CD8B2: variants seen among roughly 807,000 people sequenced by gnomAD.
CD8B2 encodes the protein T-cell surface glycoprotein CD8 beta-2 chain.
Under a neutral mutation model 23.7 loss-of-function variants are expected in CD8B2, and 11 were observed. The ratio of observed to expected loss-of-function variants is 0.46; its 90% CI spans 0.29 to 0.77. The LOEUF (loss-of-function observed/expected upper bound fraction) is 0.77. Among genes scored for constraint, CD8B2 ranks in the 30% least tolerant of loss-of-function variants. CD8B2 has a pLI of 0.09. For missense variants in CD8B2, 197 were observed against 270.5 expected (o/e 0.73, Z 1.91); for synonymous variants, 90 against 109.3 (o/e 0.82, Z 1.10).
At chr2:106,495,917 G>A (rs1473682340) in intron 2 of CD8B2, among the ~76,000 whole-genome samples, 5 of 152,094 alleles carry the variant, frequency 3.3e-5, no homozygotes, top group Admixed American at 2.0e-4. Context: ...TCTCACCTCA[G>A]CCTCCTGGGT....
At chr2:106,539,157 A>G (rs1280372382) in intron 5 of CD8B2, among the ~76,000 whole-genome samples, 3 of 152,228 alleles carry the variant, frequency 2.0e-5, no homozygotes, top group African/African-American at 7.2e-5. Context: ...AGTGAGGCAC[A>G]TGAAGCACTT....
chr2:106,488,275 T>C lies in CD8B2; in HGVS notation c.43+806T>C, dbSNP rs1287041387. On this transcript the variant is annotated intron_variant, in intron 1 of 5. Coordinates refer to ENST00000643224, the MANE Select transcript of CD8B2 (RefSeq NM_001349727.2). The stretch of plus-strand genomic sequence containing the variant: ...AAAGAGCCCAGGCCGTTCAGAGCAC[T>C]AAAGTCATTACTGATGAATCTAGAA... Among the ~76,000 whole-genome samples, 3 of 150,548 alleles carry C rather than the reference T, an allele frequency of 2.0e-5. No homozygotes were observed. The East Asian group carries it at 5.8e-4, about 29-fold the overall frequency.
chr2:106,526,612 G>A (rs1225773417), intron 5 of CD8B2, among the ~76,000 whole-genome samples: 1 of 152,068 alleles, frequency 6.6e-6, no homozygotes, highest in Non-Finnish European at 1.5e-5. Context: ...CTTTTTTATT[G>A]TCAACTAGTA....
chr2:106,526,306 A>T (rs1679906315), intron 5 of CD8B2, among the ~76,000 whole-genome samples: 1 of 152,194 alleles, frequency 6.6e-6, no homozygotes, highest in South Asian at 2.1e-4. Flanking sequence ...ACAATTCAAT[A>T]GTTTAAAGTA....
chr2:106,528,786 G>A (rs554077224), intron 5 of CD8B2, among the ~76,000 whole-genome samples: 19 of 152,304 alleles, frequency 1.2e-4, no homozygotes, highest in African/African-American at 4.6e-4. Context: ...CATCTTGGAA[G>A]GCATTGGAAA....
At chr2:106,516,673 CG>C (rs1415829863) in intron 5 of CD8B2, among the ~76,000 whole-genome samples, 2 of 152,112 alleles carry the variant, frequency 1.3e-5, no homozygotes, top group African/African-American at 4.8e-5. Context: ...AGAGCTCTTT[CG>C]TAAGCCTTTG....
In CD8B2 at chr2:106,501,716, A is replaced by G. The variant is rs550540831; in HGVS notation, c.494-758A>G. ...AAACAAACAAACGAACAAACCCTAT[A>G]TGTATCTATAAAAATTACATAGGCA... On this transcript the variant is annotated intron_variant, in intron 3 of 5. Coordinates refer to ENST00000643224, the MANE Select transcript of CD8B2 (RefSeq NM_001349727.2). 6.6e-5 allele frequency among the ~76,000 whole-genome samples: 10 copies of G among 152,210 alleles called. No homozygotes were observed. In the South Asian group the frequency reaches 2.1e-3, roughly 32 times the overall value.
chr2:106,498,680 G>A (rs1426396584), intron 3 of CD8B2, among the ~76,000 whole-genome samples: 1 of 152,114 alleles, frequency 6.6e-6, no homozygotes, highest in Non-Finnish European at 1.5e-5. Flanking sequence ...GTCTACCACT[G>A]CCTGTACTAT....
chr2:106,532,364 T>C (rs777226439), intron 5 of CD8B2, among the ~76,000 whole-genome samples: 4 of 152,096 alleles, frequency 2.6e-5, no homozygotes, highest in Non-Finnish European at 4.4e-5. Context: ...CGAGCTAGAA[T>C]CCTAGCAAAT....
Position 106,508,364 on chromosome 2 carries a change from C to T in CD8B2, c.*1424C>T, listed in dbSNP as rs1573338426. ...AAAAAAAACAGGAAAGGAAAGACGA[C>T]TCTGGGGAAGGGGCAGTGGGACCTT... On this transcript the variant is annotated 3_prime_UTR_variant, in exon 6 of 6. Transcript: ENST00000643224. 1 of 152,102 alleles carries T rather than the reference C, an allele frequency of 6.6e-6. No homozygotes were observed. The highest frequency in any genetic ancestry group is 1.9e-4 in the East Asian group (1 of 5,168). 9.4% of individuals were successfully genotyped at this position (152,102 alleles called of 1,614,324 possible). A position where few individuals can be genotyped will look rare whatever the true frequency, so the allele number is the denominator to read the frequency against.
At position 106,510,208 on chromosome 2, in the gene CD8B2, G is replaced by T. The variant is rs1679596850; in HGVS notation, c.*3268G>T. 1 of 152,208 alleles carries T rather than the reference G, an allele frequency of 6.6e-6. No individual in the cohort carries two copies. Among genetic ancestry groups the T allele is most frequent in the South Asian group, 2.1e-4 (1 of 4,828 alleles). 9.4% of individuals were successfully genotyped at this position (152,208 alleles called of 1,614,324 possible). On this transcript the variant is annotated 3_prime_UTR_variant, in exon 6 of 6. Coordinates refer to ENST00000643224, the MANE Select transcript of CD8B2 (RefSeq NM_001349727.2). ...AGGATACAGTTACCCTTGGTCCAGT[G>T]ATGGTCATTAGGAGGGAGCATGAGG...
At chr2:106,534,678 G>A (rs4281904) in intron 5 of CD8B2, among the ~76,000 whole-genome samples, 75,881 of 152,010 alleles carry the variant, frequency 0.5, 19,348 homozygotes, top group Non-Finnish European at 0.55. Flanking sequence ...AAGGCTGCTC[G>A]GAGGTGCTGC....
At chr2:106,533,140 C>T (rs1282062465) in intron 5 of CD8B2, among the ~76,000 whole-genome samples, 2 of 152,164 alleles carry the variant, frequency 1.3e-5, no homozygotes, top group East Asian at 1.9e-4. Context: ...CGAGGCAACA[C>T]AGCTAGTTAA....
chr2:106,512,380 T>C (rs140269946), downstream of CD8B2, among the ~76,000 whole-genome samples: 2,527 of 152,142 alleles, frequency 0.017, 63 homozygotes, highest in African/African-American at 0.057. Context: ...CATGGCCTTT[T>C]CATGCATTTT....
intron 2 of CD8B2, among the ~76,000 whole-genome samples, chr2:106,493,352 G>T (rs975599262): frequency 2.0e-5 from 3 of 152,162 alleles, no homozygotes; most frequent in African/African-American, 7.2e-5. Flanking sequence ...GGGCTCAGGA[G>T]GAATCCAGGG....
At chr2:106,521,415 T>C (rs1011310207) in intron 5 of CD8B2, 1 of 152,264 alleles carries the variant, frequency 6.6e-6, no homozygotes, top group African/African-American at 2.4e-5. Flanking sequence ...CGTGTCTATG[T>C]CTGCAGCTCA....
chr2:106,533,063 A>G (rs1306287863), intron 5 of CD8B2, among the ~76,000 whole-genome samples: 1 of 152,222 alleles, frequency 6.6e-6, no homozygotes, highest in African/African-American at 2.4e-5. Flanking sequence ...AATTGGCCCA[A>G]AATGAGAAAA....
chr2:106,527,507 G>C (rs1055501522), intron 5 of CD8B2, among the ~76,000 whole-genome samples: 2 of 152,186 alleles, frequency 1.3e-5, no homozygotes, highest in Non-Finnish European at 2.9e-5. Context: ...GGGATCAGCC[G>C]GGCACAGTGG....
In CD8B2 at chr2:106,491,161, A is replaced by G; in HGVS notation, c.331A>G (p.Ser111Gly). The G allele has an allele frequency of 1.7e-5, 28 of 1,613,862 alleles. No homozygotes were observed. Among genetic ancestry groups the G allele is most frequent in the Non-Finnish European group, 2.2e-5 (26 of 1,179,848 alleles). Residue 111 changes from serine (S) to glycine (G), a missense_variant, in exon 2 of 6, where the codon AGT becomes GGT. Physicochemically the swap from Ser to Gly is moderately conservative, Grantham distance 56. This residue lies in a region of CD8B2 where 140 missense variants were observed against 164.2 expected (regional missense o/e 0.85). Coordinates refer to ENST00000643224, the MANE Select transcript of CD8B2 (RefSeq NM_001349727.2). ...LNLTSVKPED[S>G]GIYFCMIVGS... ...TCTCACAAGCGTGAAGCCGGAGGACAGTGGCATCTACTTCTGCATGATCGT... is the reference window on the plus strand; with the variant it reads ...TCTCACAAGCGTGAAGCCGGAGGACGGTGGCATCTACTTCTGCATGATCGT...
Sources: allele counts gnomAD v4.1 joint callset (sites outside exome capture counted in the v4.1 genomes callset), GRCh38; gene constraint gnomAD v4.1.1; regional missense constraint gnomAD v4.1.1; transcripts MANE v1.5; gene names NCBI Gene and HGNC (gene_info 2026-07-23, HGNC 2026-07-21).